Variants in KCNJ6 observed in about 807,000 individuals in gnomAD.
KCNJ6 encodes the protein G protein-activated inward rectifier potassium channel 2.
A neutral mutation model predicts 34.2 loss-of-function variants in KCNJ6; 9 were observed. That is an observed-to-expected ratio of 0.26 (90% CI 0.16 to 0.46). The LOEUF (loss-of-function observed/expected upper bound fraction) is 0.46, where lower values mean the gene tolerates loss of function less well. KCNJ6 is among the 20% of genes least tolerant of loss of function. The probability of loss-of-function intolerance (pLI) is 1.00; values close to 1 mark genes in which losing one functional copy is unlikely to be tolerated. For missense variants in KCNJ6, 236 were observed against 531.3 expected (o/e 0.44, Z 5.46); for synonymous variants, 196 against 207.1 (o/e 0.95, Z 0.46).
At chr21:37,875,610 A>G (rs974308781) in intron 1 of KCNJ6, among the ~76,000 whole-genome samples, 1 of 152,206 alleles carries the variant, frequency 6.6e-6, no homozygotes. Context: ...TACTGTTTCG[A>G]TTTTCCCTTA....
At position 37,819,799 on chromosome 21, in the gene KCNJ6, C is replaced by CTT. The variant is rs60678115; in HGVS notation, c.25+20857_25+20858dup. On this transcript the variant is annotated intron_variant, in intron 2 of 3. Transcript: ENST00000609713. ...TGTCTAAGATGGAATGTTAAATACA[C>CTT]TTTTTTTTTTTTGAGATGGAGTTTC... 2.3e-3 allele frequency among the ~76,000 whole-genome samples: 347 copies of CTT among 148,544 alleles called. 3 individuals carry two copies. Among genetic ancestry groups the CTT allele is most frequent in the East Asian group, 7.1e-3 (36 of 5,096 alleles).
At chr21:37,726,332 T>G (rs538184986) in intron 2 of KCNJ6, among the ~76,000 whole-genome samples, 1 of 152,250 alleles carries the variant, frequency 6.6e-6, no homozygotes, top group Non-Finnish European at 1.5e-5. Flanking sequence ...TTTTCATTTT[T>G]AATTGTCTGT....
chr21:37,915,055 T>C lies in KCNJ6; in HGVS notation c.-28+829A>G, dbSNP rs117858482. Among the ~76,000 whole-genome samples, 52 of 152,244 alleles carry C rather than the reference T, an allele frequency of 3.4e-4. No individual in the cohort carries two copies. The East Asian group carries it at 7.9e-3, about 23-fold the overall frequency. ...TATTTTCCCCCTGACAATCTCTCCATATTGCACCTAGTACAACAGATGTAC... is the reference window on the plus strand; with the variant it reads ...TATTTTCCCCCTGACAATCTCTCCACATTGCACCTAGTACAACAGATGTAC... On this transcript the variant is annotated intron_variant, in intron 1 of 3. Coordinates refer to ENST00000609713, the MANE Select transcript of KCNJ6 (RefSeq NM_002240.5).
intron 2 of KCNJ6, among the ~76,000 whole-genome samples, chr21:37,805,050 T>C (rs950713420): frequency 6.6e-6 from 1 of 152,164 alleles, no homozygotes. Context: ...TCTATTTATA[T>C]GAAATATTCA....
At chr21:37,799,535 A>G (rs1246498829) in intron 2 of KCNJ6, among the ~76,000 whole-genome samples, 4 of 152,230 alleles carry the variant, frequency 2.6e-5, no homozygotes, top group African/African-American at 9.7e-5. Context: ...TCAACAGGCA[A>G]GAGCAAGTTC....
chr21:37,718,868 A>AAAAC (rs1233970805), intron 2 of KCNJ6, among the ~76,000 whole-genome samples: 1 of 152,200 alleles, frequency 6.6e-6, no homozygotes, highest in African/African-American at 2.4e-5. Context: ...CAAAAATTTC[A>AAAAC]AAACAAACAG....
At position 37,613,984 on chromosome 21, in the gene KCNJ6, C is replaced by T. The variant is rs73220482; in HGVS notation, c.*11175G>A. On this transcript the variant is annotated 3_prime_UTR_variant, in exon 4 of 4. Transcript: ENST00000609713. ...TGGTTTGGCATATCACTCGTGGGGG[C>T]GGCCATGCATGCGGGGGCCGGGGGT... 0.29 allele frequency: 44,439 copies of T among 151,932 alleles called. 6,758 individuals carry two copies. The highest frequency in any genetic ancestry group is 0.35 in the South Asian group (1,681 of 4,816). The allele number at this position is 151,932 out of a possible 1,614,324, so 9.4% of individuals were successfully genotyped here. A position where few individuals can be genotyped will look rare whatever the true frequency, so the allele number is the denominator to read the frequency against.
chr21:37,774,538 C>T (rs1323147412), intron 2 of KCNJ6, among the ~76,000 whole-genome samples: 4 of 127,236 alleles, frequency 3.1e-5, no homozygotes, highest in Non-Finnish European at 6.4e-5. Flanking sequence ...GTGTGATGTT[C>T]CCCTTCCTGT....
At chr21:37,678,523 ATGATAG>A (rs1391378809) in intron 3 of KCNJ6, among the ~76,000 whole-genome samples, 9 of 152,192 alleles carry the variant, frequency 5.9e-5, no homozygotes, top group Non-Finnish European at 2.9e-5. Context: ...GAAAGCCTCC[ATGATAG>A]GCAGTGGTGC....
Position 37,675,273 on chromosome 21 carries a change from G to C in KCNJ6, c.946+38938C>G, listed in dbSNP as rs989220261. On this transcript the variant is annotated intron_variant, in intron 3 of 3. Coordinates refer to ENST00000609713, the MANE Select transcript of KCNJ6 (RefSeq NM_002240.5). The surrounding 1 kb of genome is among the most constrained non-coding windows in gnomAD (Gnocchi z 4.2). The stretch of plus-strand genomic sequence containing the variant: ...GAGTTAATATGATGGCTGCGTCTCA[G>C]AGATGTAAAGGCCACACAGATGAGA... Among the ~76,000 whole-genome samples, 2 of 152,236 alleles carry C rather than the reference G, an allele frequency of 1.3e-5. No homozygotes were observed. Among genetic ancestry groups the C allele is most frequent in the African/African-American group, 4.8e-5 (2 of 41,456 alleles).
intron 2 of KCNJ6, among the ~76,000 whole-genome samples, chr21:37,787,371 C>A (rs1262269429): frequency 2.0e-5 from 3 of 152,152 alleles, no homozygotes; most frequent in African/African-American, 4.8e-5. Flanking sequence ...CACAGTGATG[C>A]CCCATGACAC....
At chr21:37,672,459 G>C (rs2054546441) in intron 3 of KCNJ6, among the ~76,000 whole-genome samples, 1 of 151,994 alleles carries the variant, frequency 6.6e-6, no homozygotes, top group Non-Finnish European at 1.5e-5. Flanking sequence ...TCAGCGCCTA[G>C]GAACCGGCAG....
At chr21:37,770,454 G>C (rs1196606111) in intron 2 of KCNJ6, among the ~76,000 whole-genome samples, 4 of 152,192 alleles carry the variant, frequency 2.6e-5, no homozygotes, top group Non-Finnish European at 5.9e-5. Flanking sequence ...TGAGGTGATT[G>C]ATCCTTATCA....
At chr21:37,884,880 C>G (rs577790931) in intron 1 of KCNJ6, among the ~76,000 whole-genome samples, 1 of 152,302 alleles carries the variant, frequency 6.6e-6, no homozygotes, top group African/African-American at 2.4e-5. Context: ...TAATGGAGGG[C>G]ATTAATTATA....
Position 37,607,448 on chromosome 21 carries a change from C to T in KCNJ6, c.*17711G>A, listed in dbSNP as rs2054227127. 1 of 119,616 alleles carries T rather than the reference C, an allele frequency of 8.4e-6. No individual in the cohort carries two copies. Among genetic ancestry groups the T allele is most frequent in the Admixed American group, 9.1e-5 (1 of 10,992 alleles). 7.4% of individuals were successfully genotyped at this position (119,616 alleles called of 1,614,324 possible). On this transcript the variant is annotated 3_prime_UTR_variant, in exon 4 of 4. Transcript: ENST00000609713. ...CAATATGTAAACAGTTTCCCTAACACAGCGAGTTCTTAAAGATATATATAT... is the reference window on the plus strand; with the variant it reads ...CAATATGTAAACAGTTTCCCTAACATAGCGAGTTCTTAAAGATATATATAT...
intron 1 of KCNJ6, among the ~76,000 whole-genome samples, chr21:37,908,704 T>C (rs200495678): frequency 8.5e-5 from 13 of 152,154 alleles, no homozygotes; most frequent in African/African-American, 3.1e-4. Context: ...ACTCCAAAAG[T>C]CAACATATCC....
At chr21:37,822,398 C>T (rs1485894513) in intron 2 of KCNJ6, among the ~76,000 whole-genome samples, 1 of 145,166 alleles carries the variant, frequency 6.9e-6, no homozygotes, top group Non-Finnish European at 1.5e-5. Flanking sequence ...CCATTTTTTC[C>T]CCCAACACCA....
At chr21:37,697,939 T>G (rs183893489) in intron 3 of KCNJ6, among the ~76,000 whole-genome samples, 96 of 152,284 alleles carry the variant, frequency 6.3e-4, no homozygotes, top group African/African-American at 2.3e-3. Context: ...TTCAAATGCA[T>G]TTATGATAAG....
At chr21:37,666,286 C>G (rs1463196366) in intron 3 of KCNJ6, among the ~76,000 whole-genome samples, 2 of 152,168 alleles carry the variant, frequency 1.3e-5, no homozygotes, top group African/African-American at 2.4e-5. Context: ...CCTCACTCCC[C>G]TTCCCCTGGG....
Sources: allele counts gnomAD v4.1 joint callset (sites outside exome capture counted in the v4.1 genomes callset), GRCh38; gene constraint gnomAD v4.1.1; non-coding constraint Gnocchi (gnomAD v3.1); transcripts MANE v1.5; gene names NCBI Gene and HGNC (gene_info 2026-07-23, HGNC 2026-07-21).